Variants in RUFY3 observed in about 807,000 individuals in gnomAD.
RUFY3 encodes RUN and FYVE domain containing 3, also known as protein RUFY3.
RUFY3 carries 34 observed loss-of-function variants against 84.0 expected under a neutral mutation model. The observed-to-expected ratio is 0.40, with a 90% CI of 0.31 to 0.54. The LOEUF (loss-of-function observed/expected upper bound fraction) is 0.54. Ranked by LOEUF, RUFY3 falls within the 20% of genes least tolerant of loss-of-function variation. The probability of loss-of-function intolerance (pLI) is 0.39; values close to 1 mark genes in which losing one functional copy is unlikely to be tolerated. For synonymous variants in RUFY3, 242 were observed against 252.9 expected, an observed-to-expected ratio of 0.96 and a Z score of 0.41; for missense variants, 507 against 736.8, an observed-to-expected ratio of 0.69 and a Z score of 3.61.
At chr4:70,768,735 A>G in intron 5 of RUFY3, 74 bp downstream of exon 5, 1 of 1,414,424 alleles carries the variant, frequency 7.1e-7, no homozygotes, top group Admixed American at 2.2e-5. Flanking sequence ...TGATTAGGTT[A>G]TACCAACCAA....
At chr4:70,703,846 A>C (rs1460123458), upstream of RUFY3, 1 of 152,262 alleles carries the variant, frequency 6.6e-6, no homozygotes, top group Admixed American at 6.5e-5. Flanking sequence ...AAGAGGAAAA[A>C]GCAGGTGGGC....
intron 1 of RUFY3, among the ~76,000 whole-genome samples, chr4:70,712,591 T>TA (rs1741113445): frequency 6.6e-6 from 1 of 152,166 alleles, no homozygotes; most frequent in Non-Finnish European, 1.5e-5. Context: ...TCTACATGTT[T>TA]AAGAGGTAGG....
At chr4:70,754,734 C>G (rs955328476) in intron 1 of RUFY3, among the ~76,000 whole-genome samples, 7 of 151,946 alleles carry the variant, frequency 4.6e-5, no homozygotes, top group Non-Finnish European at 7.4e-5. Context: ...CTTTCACAAT[C>G]AAGGACTCAT....
intron 1 of RUFY3, among the ~76,000 whole-genome samples, chr4:70,746,754 G>A (rs900034422): frequency 6.6e-6 from 1 of 152,186 alleles, no homozygotes; most frequent in African/African-American, 2.4e-5. Flanking sequence ...CAACCTGAAT[G>A]ATTCTTCGGA....
At chr4:70,768,300 A>T (rs1451099867) in intron 4 of RUFY3, among the ~76,000 whole-genome samples, 2 of 151,956 alleles carry the variant, frequency 1.3e-5, no homozygotes, top group African/African-American at 2.4e-5. Flanking sequence ...TGCGCCTATT[A>T]TTTTTTTCTT....
upstream of RUFY3, chr4:70,704,363 C>T: frequency 6.6e-6 from 1 of 152,354 alleles, no homozygotes; most frequent in Non-Finnish European, 1.5e-5. Context: ...AGTTTAATAC[C>T]CGGGGGCAGG....
At chr4:70,705,085 C>A in exon 1 of RUFY3, 1 of 1,318,284 alleles carries the variant, frequency 7.6e-7, no homozygotes, top group African/African-American at 1.5e-5. Flanking sequence ...CCGCCGGCCT[C>A]CCCCGCCGGG....
chr4:70,706,912 G>A (rs1427198778), intron 1 of RUFY3, among the ~76,000 whole-genome samples: 1 of 151,942 alleles, frequency 6.6e-6, no homozygotes, highest in Non-Finnish European at 1.5e-5. Context: ...TTTTTTGTTT[G>A]CACCAAAAAT....
At chr4:70,713,902 C>G (rs1362186503) in intron 1 of RUFY3, among the ~76,000 whole-genome samples, 1 of 152,130 alleles carries the variant, frequency 6.6e-6, no homozygotes, top group African/African-American at 2.4e-5. Context: ...GTCCCATAAA[C>G]GTTTATCCTT....
In RUFY3 at chr4:70,793,776, C is replaced by T. The variant is rs1052468954; in HGVS notation, c.1338-9C>T. 6 of 1,613,958 alleles carry T rather than the reference C, an allele frequency of 3.7e-6. No individual in the cohort carries two copies. Among genetic ancestry groups the T allele is most frequent in the East Asian group, 2.2e-5 (1 of 44,876 alleles). On this transcript the variant is annotated splice_polypyrimidine_tract_variant and intron_variant, in intron 12 of 17. Coordinates refer to ENST00000381006, the MANE Select transcript of RUFY3 (RefSeq NM_001037442.4). ...TTTTTTATCACAAGTTCATGTGGCT[C>T]ACATCCAGATTGCGCCAGGCTGAGC...
At chr4:70,732,093 T>C (rs1191503813) in intron 1 of RUFY3, among the ~76,000 whole-genome samples, 4 of 152,214 alleles carry the variant, frequency 2.6e-5, no homozygotes, top group African/African-American at 9.6e-5. Flanking sequence ...CTTGTGATTC[T>C]TCATGCCCGT....
intron 7 of RUFY3, among the ~76,000 whole-genome samples, chr4:70,776,270 T>C (rs1367213339): frequency 2.0e-5 from 3 of 152,160 alleles, no homozygotes; most frequent in African/African-American, 4.8e-5. Flanking sequence ...TAAAACAACT[T>C]TAACAATAGA....
intron 1 of RUFY3, among the ~76,000 whole-genome samples, chr4:70,735,598 T>G (rs1720136763): frequency 6.6e-6 from 1 of 152,120 alleles, no homozygotes; most frequent in South Asian, 2.1e-4. Context: ...CCCAACATTT[T>G]GGGAGGCCAA....
chr4:70,791,532 A>G, intron 12 of RUFY3: 2 of 1,337,918 alleles, frequency 1.5e-6, no homozygotes, highest in Non-Finnish European at 9.6e-7. Context: ...AAAGCTGAAT[A>G]AACTTTGAGA....
At chr4:70,707,300 C>G (rs1208148386) in intron 1 of RUFY3, among the ~76,000 whole-genome samples, 2 of 152,170 alleles carry the variant, frequency 1.3e-5, no homozygotes, top group Non-Finnish European at 2.9e-5. Flanking sequence ...GCTCTGTCGC[C>G]CAGGCTGGAG....
intron 1 of RUFY3, among the ~76,000 whole-genome samples, chr4:70,749,626 A>G (rs1464310095): frequency 6.6e-6 from 1 of 151,014 alleles, no homozygotes; most frequent in African/African-American, 2.4e-5. Flanking sequence ...CTGGAGTAAG[A>G]GAAAGCAGAA....
chr4:70,749,657 CTTTTTTTTTTT>C (rs537416557), intron 1 of RUFY3, among the ~76,000 whole-genome samples: 1 of 132,168 alleles, frequency 7.6e-6, no homozygotes, highest in Admixed American at 7.6e-5. Context: ...CTTGTCTTGT[CTTTTTTTTTTT>C]TTTTTGAGAC....
At chr4:70,761,946 G>A (rs1050434580) in intron 1 of RUFY3, among the ~76,000 whole-genome samples, 3 of 152,222 alleles carry the variant, frequency 2.0e-5, no homozygotes, top group Admixed American at 1.3e-4. Context: ...AGAGAGAGCA[G>A]TGTGAAGGTA....
At chr4:70,720,978 G>A (rs1742212038), upstream of RUFY3, among the ~76,000 whole-genome samples, 2 of 150,398 alleles carry the variant, frequency 1.3e-5, no homozygotes, top group Non-Finnish European at 3.0e-5. Flanking sequence ...CGAATGGGAG[G>A]ATTTTAAAAA....
Sources: gnomAD v4.1 joint callset for allele counts (sites outside exome capture counted in the v4.1 genomes callset) on GRCh38, gnomAD v4.1.1 for gene constraint, MANE v1.5 for transcripts, NCBI Gene and HGNC (gene_info 2026-07-23, HGNC 2026-07-21) for gene names.